The following FRMD4B variants were observed in gnomAD, a reference collection of about 807,000 sequenced individuals.
The protein encoded by FRMD4B is FERM domain containing 4B.
Under a neutral mutation model 141.5 loss-of-function variants are expected in FRMD4B, and 74 were observed. The observed-to-expected ratio is 0.52, with a 90% CI of 0.43 to 0.63. The LOEUF (loss-of-function observed/expected upper bound fraction) is 0.63, where lower values mean the gene tolerates loss of function less well. Among genes scored for constraint, FRMD4B ranks in the 30% least tolerant of loss-of-function variants. The pLI, the probability that FRMD4B is intolerant of heterozygous loss-of-function variation, is 0.00. For missense variants in FRMD4B, 1,366 were observed against 1,253.4 expected (o/e 1.09, Z -1.36); for synonymous variants, 506 against 467.9 (o/e 1.08, Z -1.05).
intron 5 of FRMD4B, among the ~76,000 whole-genome samples, chr3:69,283,343 C>T (rs2107028609): frequency 6.6e-6 from 1 of 150,956 alleles, no homozygotes; most frequent in Middle Eastern, 3.4e-3. Context: ...GAGATTGCAC[C>T]ATTGCACTCC....
intron 1 of FRMD4B, among the ~76,000 whole-genome samples, chr3:69,521,545 G>C (rs1202313440): frequency 6.6e-6 from 1 of 152,162 alleles, no homozygotes; most frequent in African/African-American, 2.4e-5. Context: ...GTCAAATCAT[G>C]TCCCCTCTCT....
chr3:69,202,439 A>G (rs939538354), intron 11 of FRMD4B, among the ~76,000 whole-genome samples: 1 of 151,790 alleles, frequency 6.6e-6, no homozygotes, highest in African/African-American at 2.4e-5. Context: ...AAACAGAAAA[A>G]TGTATTTTGC....
chr3:69,210,443 T>G (rs1017937519), intron 11 of FRMD4B, among the ~76,000 whole-genome samples: 1 of 151,970 alleles, frequency 6.6e-6, no homozygotes, highest in African/African-American at 2.4e-5. Flanking sequence ...TAAGTGAAAC[T>G]TCATCAGTCT....
Position 69,168,848 on chromosome 3 carries a change from T to C in FRMD4B, c.*3013A>G, listed in dbSNP as rs1027498768. Among the ~76,000 whole-genome samples the C allele has an allele frequency of 4.6e-5, 7 of 152,328 alleles. No individual in the cohort carries two copies. Among genetic ancestry groups the C allele is most frequent in the East Asian group, 3.9e-4 (2 of 5,188 alleles). On this transcript the variant is annotated 3_prime_UTR_variant, in exon 23 of 23. Coordinates refer to ENST00000398540, the MANE Select transcript of FRMD4B (RefSeq NM_015123.3). ...GCTTTTGTGAGTACAAGGAAGAATT[T>C]TGAAAATTTTTGTCAAATATAGAAA...
chr3:69,187,526 G>A (rs941189562), intron 19 of FRMD4B, among the ~76,000 whole-genome samples: 1 of 146,814 alleles, frequency 6.8e-6, no homozygotes, highest in Admixed American at 6.9e-5. Context: ...GGCAACAAGA[G>A]TGAAACTCCA....
Position 69,213,728 on chromosome 3 carries a change from T to C in FRMD4B, c.876+2535A>G, listed in dbSNP as rs139183490. 2.4e-3 allele frequency among the ~76,000 whole-genome samples: 357 copies of C among 151,326 alleles called. 1 individual carries two copies. Among genetic ancestry groups the C allele is most frequent in the African/African-American group, 8.5e-3 (352 of 41,222 alleles). ...CCCAGGCCGGAGTGCAGTGGCATGA[T>C]CATAGTTCATTGCAGCCTCAACCTC... On this transcript the variant is annotated intron_variant, in intron 11 of 22. Transcript: ENST00000398540.
At chr3:69,198,198 T>C (rs1305630192) in intron 12 of FRMD4B, 1 of 122,462 alleles carries the variant, frequency 8.2e-6, no homozygotes, top group African/African-American at 2.8e-5. Context: ...CTTCAGTTCA[T>C]GTTGGTAATT....
chr3:69,373,997 T>A (rs1435635446), intron 1 of FRMD4B, among the ~76,000 whole-genome samples: 2 of 152,204 alleles, frequency 1.3e-5, no homozygotes, highest in Admixed American at 6.5e-5. Flanking sequence ...TATTTCCTCA[T>A]CTTACAGAAG....
chr3:69,380,558 G>T (rs368834401), intron 1 of FRMD4B, among the ~76,000 whole-genome samples: 2 of 152,176 alleles, frequency 1.3e-5, no homozygotes, highest in African/African-American at 4.8e-5. Context: ...GGCTGCTTCT[G>T]TTCCCCCACT....
chr3:69,309,304 A>AT (rs11388064), intron 3 of FRMD4B, among the ~76,000 whole-genome samples: 126,294 of 136,866 alleles, frequency 0.92, 59,026 homozygotes, highest in South Asian at 0.99. Flanking sequence ...CTGATTTTTA[A>AT]TTTTTTTTTT....
At chr3:69,304,536 A>G (rs1186214661) in intron 3 of FRMD4B, among the ~76,000 whole-genome samples, 1 of 149,800 alleles carries the variant, frequency 6.7e-6, no homozygotes, top group Non-Finnish European at 1.5e-5. Flanking sequence ...TCTGAGTGCC[A>G]CTTCTGTATA....
intron 11 of FRMD4B, among the ~76,000 whole-genome samples, chr3:69,212,222 T>C (rs1306491253): frequency 3.3e-5 from 5 of 151,160 alleles, no homozygotes. Flanking sequence ...TAGCCAGGCA[T>C]GGTGGCAGGC....
At chr3:69,521,210 C>G (rs1209897533) in intron 1 of FRMD4B, among the ~76,000 whole-genome samples, 1 of 152,184 alleles carries the variant, frequency 6.6e-6, no homozygotes, top group Non-Finnish European at 1.5e-5. Flanking sequence ...CTATGGGGGT[C>G]TGGCCAGGCC....
At chr3:69,267,598 T>C (rs2093569944) in intron 5 of FRMD4B, among the ~76,000 whole-genome samples, 1 of 94,098 alleles carries the variant, frequency 1.1e-5, no homozygotes, top group South Asian at 4.1e-4. Flanking sequence ...TGTGTGTGTA[T>C]ATATATATAT....
At chr3:69,440,390 T>C (rs1042664250) in intron 1 of FRMD4B, among the ~76,000 whole-genome samples, 1 of 152,246 alleles carries the variant, frequency 6.6e-6, no homozygotes, top group Admixed American at 6.5e-5. Context: ...TGGGCTCTCT[T>C]TTCTGTCCTA....
chr3:69,449,346 G>C (rs1705458196), intron 1 of FRMD4B, among the ~76,000 whole-genome samples: 4 of 152,192 alleles, frequency 2.6e-5, no homozygotes, highest in African/African-American at 9.6e-5. Context: ...TAACACATTT[G>C]TTTTGAGAAC....
chr3:69,285,134 G>T (rs749730622), intron 5 of FRMD4B, among the ~76,000 whole-genome samples: 1 of 152,182 alleles, frequency 6.6e-6, no homozygotes, highest in Non-Finnish European at 1.5e-5. Flanking sequence ...CCGCACTCCA[G>T]CCTGGGCAAC....
intron 1 of FRMD4B, among the ~76,000 whole-genome samples, chr3:69,469,416 T>C (rs1480844404): frequency 6.6e-6 from 1 of 152,210 alleles, no homozygotes; most frequent in Non-Finnish European, 1.5e-5. Context: ...GCAGAACGTA[T>C]TTACTTAGAT....
intron 1 of FRMD4B, among the ~76,000 whole-genome samples, chr3:69,535,107 T>A (rs994317089): frequency 6.6e-6 from 1 of 152,194 alleles, no homozygotes. Context: ...ACTTTATAGA[T>A]GAAGAAACTG....
Sources: gnomAD v4.1 joint callset for allele counts (sites outside exome capture counted in the v4.1 genomes callset) on GRCh38, gnomAD v4.1.1 for gene constraint, MANE v1.5 for transcripts, NCBI Gene and HGNC (gene_info 2026-07-23, HGNC 2026-07-21) for gene names.